Variants in ITGB5 observed in about 807,000 individuals in gnomAD.
The protein encoded by ITGB5 is integrin subunit beta 5.
In ITGB5, 38 loss-of-function variants were observed where a neutral mutation model predicts 84.8. The ratio of observed to expected loss-of-function variants is 0.45; its 90% CI spans 0.35 to 0.59. The LOEUF is 0.59. Ranked by LOEUF, ITGB5 falls within the 20% of genes least tolerant of loss-of-function variation. The pLI is 0.01. For synonymous variants in ITGB5, 393 were observed against 414.4 expected, an observed-to-expected ratio of 0.95 and a Z score of 0.63; for missense variants, 905 against 1,034.5, an observed-to-expected ratio of 0.87 and a Z score of 1.72.
intron 3 of ITGB5, 120 bp from the exon 4 acceptor site, chr3:124,848,678 C>CACAATCCA: frequency 1.8e-6 from 2 of 1,112,538 alleles, no homozygotes; most frequent in South Asian, 3.2e-5. Flanking sequence ...GTGTGCCTCA[C>CACAATCCA]AGAAGATTTT....
At chr3:124,814,031 G>A (rs941918767) in intron 8 of ITGB5, among the ~76,000 whole-genome samples, 4 of 152,020 alleles carry the variant, frequency 2.6e-5, no homozygotes, top group African/African-American at 7.2e-5. Context: ...ACTCTGTGTC[G>A]GGAACCAGCG....
At chr3:124,876,272 CAATT>C (rs1934307869) in intron 1 of ITGB5, among the ~76,000 whole-genome samples, 1 of 151,376 alleles carries the variant, frequency 6.6e-6, no homozygotes, top group South Asian at 2.1e-4. Context: ...TAAATATACA[CAATT>C]ATTTGTCAAC....
At chr3:124,771,634 G>A (rs2063845400) in intron 11 of ITGB5, among the ~76,000 whole-genome samples, 1 of 151,526 alleles carries the variant, frequency 6.6e-6, no homozygotes, top group African/African-American at 2.4e-5. Context: ...AATAGTCCTA[G>A]CTACCTGGGA....
At chr3:124,855,086 G>A (rs182100847) in intron 3 of ITGB5, among the ~76,000 whole-genome samples, 141 of 152,296 alleles carry the variant, frequency 9.3e-4, no homozygotes, top group African/African-American at 3.3e-3. Flanking sequence ...GCCGAGGTGG[G>A]CAGATGACTT....
chr3:124,820,554 C>T (rs1172102975), intron 6 of ITGB5, among the ~76,000 whole-genome samples: 2 of 152,158 alleles, frequency 1.3e-5, no homozygotes, highest in Non-Finnish European at 2.9e-5. Flanking sequence ...GGCTTGGGCA[C>T]TGACCACCTC....
At chr3:124,878,760 GGACT>G (rs1934442786) in intron 1 of ITGB5, 1 of 152,090 alleles carries the variant, frequency 6.6e-6, no homozygotes, top group Non-Finnish European at 1.5e-5. Context: ...TTCAGAGTTT[GGACT>G]TTGCTGGATG....
At chr3:124,794,164 T>C (rs1437901754) in intron 10 of ITGB5, among the ~76,000 whole-genome samples, 1 of 152,190 alleles carries the variant, frequency 6.6e-6, no homozygotes, top group Non-Finnish European at 1.5e-5. Context: ...ACATGATGTG[T>C]AGAAGAAACC....
chr3:124,862,690 T>C (rs2065322568), intron 2 of ITGB5: 1 of 152,186 alleles, frequency 6.6e-6, no homozygotes, highest in African/African-American at 2.4e-5. Flanking sequence ...GGCTTCTTTA[T>C]TCTCTAGGAT....
At chr3:124,850,711 C>A (rs1471245901) in intron 3 of ITGB5, among the ~76,000 whole-genome samples, 19 of 148,546 alleles carry the variant, frequency 1.3e-4, no homozygotes, top group Admixed American at 2.7e-4. Flanking sequence ...TTTAAAAAAA[C>A]AAAAAAAAAA....
intron 10 of ITGB5, among the ~76,000 whole-genome samples, chr3:124,784,682 T>G (rs183553912): frequency 5.9e-5 from 9 of 152,294 alleles, no homozygotes; most frequent in African/African-American, 1.9e-4. Context: ...ACCCTGAGAA[T>G]GCTGATTCAG....
intron 8 of ITGB5, among the ~76,000 whole-genome samples, chr3:124,815,024 C>CCCTTGTCACT (rs2064564991): frequency 6.6e-6 from 1 of 152,212 alleles, no homozygotes; most frequent in African/African-American, 2.4e-5. Context: ...GGAATGCTTT[C>CCCTTGTCACT]CCTTGTCACT....
At chr3:124,869,000 A>C (rs2065437177) in intron 2 of ITGB5, among the ~76,000 whole-genome samples, 1 of 152,086 alleles carries the variant, frequency 6.6e-6, no homozygotes, top group Non-Finnish European at 1.5e-5. Context: ...ATTAGGTTAC[A>C]AGGAATGTGA....
Position 124,768,877 on chromosome 3 carries a change from A to G in ITGB5, c.2017+136T>C, listed in dbSNP as rs1345371660. Reference sequence around the variant, plus strand: ...CCCATCAGCTGTGGATGATGGTTCCAGCACCGGGTCCTCATGGGGAGCCCA... The same window carrying G: ...CCCATCAGCTGTGGATGATGGTTCCGGCACCGGGTCCTCATGGGGAGCCCA... On this transcript the variant is annotated intron_variant, in intron 12 of 14. Coordinates refer to ENST00000296181, the MANE Select transcript of ITGB5 (RefSeq NM_002213.5). 13 of 619,162 alleles carry G rather than the reference A, an allele frequency of 2.1e-5. No individual in the cohort carries two copies. In the East Asian group the frequency reaches 3.3e-4, roughly 16 times the overall value. 38.4% of individuals were successfully genotyped at this position (619,162 alleles called of 1,614,324 possible).
chr3:124,897,571 C>T (rs766834810), intron 1 of ITGB5, among the ~76,000 whole-genome samples: 35 of 152,318 alleles, frequency 2.3e-4, no homozygotes, highest in Non-Finnish European at 4.6e-4. Context: ...CCTGTAATCC[C>T]AGCACTTGGG....
At chr3:124,891,365 T>C (rs765108447), upstream of ITGB5, among the ~76,000 whole-genome samples, 5 of 152,138 alleles carry the variant, frequency 3.3e-5, no homozygotes, top group Non-Finnish European at 7.3e-5. Flanking sequence ...TAGGTACTTA[T>C]AGTGGACTAT....
chr3:124,874,386 G>C (rs551558054), intron 1 of ITGB5, among the ~76,000 whole-genome samples: 3 of 151,538 alleles, frequency 2.0e-5, no homozygotes, highest in African/African-American at 7.3e-5. Context: ...CTGTGCTCAC[G>C]GTTTGGAAGA....
chr3:124,794,295 C>T (rs16836019), intron 10 of ITGB5, among the ~76,000 whole-genome samples: 7,343 of 152,232 alleles, frequency 0.048, 256 homozygotes, highest in South Asian at 0.09. Context: ...GAACTGCCAA[C>T]TTGTCATTTA....
chr3:124,814,898 G>C (rs2064563161), intron 8 of ITGB5, among the ~76,000 whole-genome samples: 1 of 152,126 alleles, frequency 6.6e-6, no homozygotes. Context: ...ATTCGTGCCA[G>C]GTTCCAAAAG....
In ITGB5 at chr3:124,796,376, G is replaced by A. The variant is rs1457422877; in HGVS notation, c.1693+12C>T. ...CTGGCTCAGAGCTAAAGTGCTTGCT[G>A]GGGACACTTACCTGAGCAGAGGACT... On this transcript the variant is annotated intron_variant, in intron 10 of 14. Coordinates refer to ENST00000296181, the MANE Select transcript of ITGB5 (RefSeq NM_002213.5). 1.9e-6 allele frequency: 3 copies of A among 1,591,050 alleles called. 1 individual carries two copies. The South Asian group carries it at 3.4e-5, about 18-fold the overall frequency.
Sources: gnomAD v4.1 joint callset for allele counts (sites outside exome capture counted in the v4.1 genomes callset) on GRCh38, gnomAD v4.1.1 for gene constraint, MANE v1.5 for transcripts, NCBI Gene and HGNC (gene_info 2026-07-23, HGNC 2026-07-21) for gene names.